SLC9A9: variants seen among roughly 807,000 people sequenced by gnomAD.
SLC9A9 encodes the protein sodium/hydrogen exchanger 9.
A neutral mutation model predicts 77.8 loss-of-function variants in SLC9A9; 62 were observed. The observed-to-expected ratio is 0.80, with a 90% CI of 0.65 to 0.98. The LOEUF (loss-of-function observed/expected upper bound fraction) is 0.98. Ranked by LOEUF, SLC9A9 falls within the 50% of genes least tolerant of loss-of-function variation. The pLI is 0.00. For missense variants in SLC9A9, 775 were observed against 774.9 expected, an observed-to-expected ratio of 1.00 and a Z score of 0.00; for synonymous variants, 320 against 283.5, an observed-to-expected ratio of 1.13 and a Z score of -1.29.
chr3:143,326,482 T>C (rs142705094), intron 14 of SLC9A9, among the ~76,000 whole-genome samples: 3 of 152,254 alleles, frequency 2.0e-5, no homozygotes, highest in African/African-American at 7.2e-5. Context: ...TCAGCCACAC[T>C]GGCCTTCTTT....
At chr3:143,694,263 TA>T (rs1317182133) in intron 4 of SLC9A9, among the ~76,000 whole-genome samples, 3 of 151,896 alleles carry the variant, frequency 2.0e-5, no homozygotes, top group South Asian at 2.1e-4. Flanking sequence ...TAAATTACGT[TA>T]AAAAAAAGTA....
intron 2 of SLC9A9, among the ~76,000 whole-genome samples, chr3:143,818,809 C>T (rs1353083636): frequency 4.6e-5 from 7 of 151,928 alleles, no homozygotes; most frequent in African/African-American, 1.7e-4. Context: ...CGGCCAGGCG[C>T]GGTGGCTCAT....
intron 6 of SLC9A9, among the ~76,000 whole-genome samples, chr3:143,610,866 T>A (rs1478127507): frequency 6.6e-6 from 1 of 152,210 alleles, no homozygotes; most frequent in Admixed American, 6.5e-5. Flanking sequence ...CACCAGTTGA[T>A]GAGCTTAGAA....
At chr3:143,777,594 C>A (rs2007732851) in intron 4 of SLC9A9, among the ~76,000 whole-genome samples, 1 of 151,990 alleles carries the variant, frequency 6.6e-6, no homozygotes, top group Non-Finnish European at 1.5e-5. Context: ...ATGAAATGCA[C>A]CTACCATGAG....
chr3:143,424,616 G>A (rs1036265018), intron 12 of SLC9A9, among the ~76,000 whole-genome samples: 2 of 151,944 alleles, frequency 1.3e-5, no homozygotes, highest in Non-Finnish European at 2.9e-5. Context: ...CATCTGCCTC[G>A]GCCTCCCAAA....
rs187666429 is a variant in SLC9A9 at position 143,284,713 on chromosome 3, T to G, written c.1605-15733A>C. Among the ~76,000 whole-genome samples, 275 of 152,236 alleles carry G rather than the reference T, an allele frequency of 1.8e-3. 2 individuals carry two copies. The highest frequency in any genetic ancestry group is 5.4e-3 in the African/African-American group (226 of 41,542). The stretch of plus-strand genomic sequence containing the variant: ...ATTTCCACTTCAACCTAATAGTACC[T>G]CAGTGTCTAAACATTCTCCTAATCA... On this transcript the variant is annotated intron_variant, in intron 14 of 15. Coordinates refer to ENST00000316549, the MANE Select transcript of SLC9A9 (RefSeq NM_173653.4).
chr3:143,794,778 C>A (rs1261209541), intron 4 of SLC9A9, among the ~76,000 whole-genome samples: 1 of 152,180 alleles, frequency 6.6e-6, no homozygotes, highest in Non-Finnish European at 1.5e-5. Context: ...AGTCAGAAGT[C>A]CAGAACTCAC....
At chr3:143,847,712 A>C (rs1239308134) in intron 1 of SLC9A9, 3 of 170,008 alleles carry the variant, frequency 1.8e-5, no homozygotes, top group Admixed American at 5.7e-5. Context: ...TTCTTCTTGA[A>C]ATTAGTTGAT....
At chr3:143,796,997 A>C in intron 2 of SLC9A9, 94 bp from the exon 3 acceptor site, 1 of 946,558 alleles carries the variant, frequency 1.1e-6, no homozygotes. Context: ...GCTTTTGCTA[A>C]GCCTTTGTGA....
At chr3:143,733,008 A>T (rs1321446742) in intron 4 of SLC9A9, among the ~76,000 whole-genome samples, 2 of 152,106 alleles carry the variant, frequency 1.3e-5, no homozygotes, top group Non-Finnish European at 2.9e-5. Context: ...GGTAATAAAC[A>T]TATTTTTTCT....
intron 4 of SLC9A9, among the ~76,000 whole-genome samples, chr3:143,723,032 T>C (rs188567196): frequency 1.3e-5 from 2 of 152,314 alleles, no homozygotes; most frequent in Admixed American, 6.5e-5. Context: ...CTCAGTTTCC[T>C]GACTATAGTT....
At chr3:143,328,517 T>C (rs1576427757) in intron 14 of SLC9A9, among the ~76,000 whole-genome samples, 1 of 152,226 alleles carries the variant, frequency 6.6e-6, no homozygotes, top group South Asian at 2.1e-4. Context: ...TAACCCTAAC[T>C]GTGTTTGACA....
chr3:143,750,323 T>C (rs1016335408), intron 4 of SLC9A9, among the ~76,000 whole-genome samples: 2 of 152,238 alleles, frequency 1.3e-5, no homozygotes, highest in East Asian at 3.8e-4. Context: ...GCATTTTCTA[T>C]TGTCACAAGC....
chr3:143,448,092 G>C (rs1417197288), intron 12 of SLC9A9, among the ~76,000 whole-genome samples: 1 of 152,150 alleles, frequency 6.6e-6, no homozygotes, highest in Non-Finnish European at 1.5e-5. Flanking sequence ...GTAGCCATGG[G>C]TGGAGATCCC....
In SLC9A9 at chr3:143,578,824, T is replaced by C; in HGVS notation, c.756-101A>G. ...GGGAGAGGTATCTTTCCCTGTAATGTTGGGTGCTGGTTGGAAGAGTTAGGG... is the reference window on the plus strand; with the variant it reads ...GGGAGAGGTATCTTTCCCTGTAATGCTGGGTGCTGGTTGGAAGAGTTAGGG... On this transcript the variant is annotated intron_variant, in intron 6 of 15. Coordinates refer to ENST00000316549, the MANE Select transcript of SLC9A9 (RefSeq NM_173653.4). 2.8e-6 allele frequency: 4 copies of C among 1,412,468 alleles called. No individual in the cohort carries two copies. In the South Asian group the frequency reaches 4.6e-5, roughly 16 times the overall value. 87.5% of individuals were successfully genotyped at this position (1,412,468 alleles called of 1,614,324 possible).
chr3:143,279,680 C>CTATGTTAGTTTG (rs2108404937), intron 14 of SLC9A9, among the ~76,000 whole-genome samples: 1 of 152,236 alleles, frequency 6.6e-6, no homozygotes, highest in East Asian at 1.9e-4. Flanking sequence ...TTTTCTGTTC[C>CTATGTTAGTTTG]TATGTTAGTT....
chr3:143,332,411 C>T (rs921316726), intron 14 of SLC9A9, among the ~76,000 whole-genome samples: 1 of 152,216 alleles, frequency 6.6e-6, no homozygotes, highest in Non-Finnish European at 1.5e-5. Context: ...CAAGTGTGTG[C>T]TGTCATTCTC....
At chr3:143,458,148 T>A (rs1411799126) in intron 12 of SLC9A9, among the ~76,000 whole-genome samples, 1 of 152,172 alleles carries the variant, frequency 6.6e-6, no homozygotes, top group African/African-American at 2.4e-5. Flanking sequence ...TATAGTTCTG[T>A]CTTTTTGGAA....
intron 12 of SLC9A9, among the ~76,000 whole-genome samples, chr3:143,438,333 G>A (rs1489049427): frequency 6.6e-6 from 1 of 152,246 alleles, no homozygotes; most frequent in East Asian, 1.9e-4. Context: ...CCCTCAAAGA[G>A]CAGCATAGGC....
Sources: gnomAD v4.1 joint callset for allele counts (sites outside exome capture counted in the v4.1 genomes callset) on GRCh38, gnomAD v4.1.1 for gene constraint, MANE v1.5 for transcripts, NCBI Gene and HGNC (gene_info 2026-07-23, HGNC 2026-07-21) for gene names.